Variants in UNC5D observed in about 807,000 individuals in gnomAD.
UNC5D encodes the protein unc-5 netrin receptor D.
Under a neutral mutation model 105.4 loss-of-function variants are expected in UNC5D, and 39 were observed. That is an observed-to-expected ratio of 0.37 (90% CI 0.29 to 0.48). The LOEUF (loss-of-function observed/expected upper bound fraction) is 0.48. Among genes scored for constraint, UNC5D ranks in the 20% least tolerant of loss-of-function variants. The pLI is 0.98. For missense variants in UNC5D, 991 were observed against 1,202.4 expected, an observed-to-expected ratio of 0.82 and a Z score of 2.60; for synonymous variants, 452 against 450.4, an observed-to-expected ratio of 1.00 and a Z score of -0.04.
At chr8:35,389,609 G>T (rs771741973) in intron 1 of UNC5D, among the ~76,000 whole-genome samples, 3 of 151,946 alleles carry the variant, frequency 2.0e-5, no homozygotes, top group Non-Finnish European at 4.4e-5. Context: ...TAAATAACTT[G>T]CCCTTTCATT....
At chr8:35,528,355 G>T (rs1205220128) in intron 1 of UNC5D, among the ~76,000 whole-genome samples, 1 of 151,296 alleles carries the variant, frequency 6.6e-6, no homozygotes, top group Admixed American at 6.6e-5. Flanking sequence ...TTTCATCCAT[G>T]TCCCTACAAA....
At chr8:35,740,181 G>A (rs1281303138) in intron 11 of UNC5D, among the ~76,000 whole-genome samples, 1 of 152,210 alleles carries the variant, frequency 6.6e-6, no homozygotes, top group Non-Finnish European at 1.5e-5. Flanking sequence ...CCCTAGAGAT[G>A]TCACGTCCTA....
rs141023564 is a variant in UNC5D, at chr8:35,593,779, C to CA, written c.467-1767dup. 3.4e-3 allele frequency among the ~76,000 whole-genome samples: 514 copies of CA among 151,638 alleles called. 20 individuals carry two copies. The East Asian group carries it at 0.077, about 23-fold the overall frequency. On this transcript the variant is annotated intron_variant, in intron 3 of 16. Coordinates refer to ENST00000404895, the MANE Select transcript of UNC5D (RefSeq NM_080872.4). ...TTATCTCCAAAACAAAACAAACAAA[C>CA]AAAAAAAACAGCTCCTTCATCAGCA...
intron 1 of UNC5D, among the ~76,000 whole-genome samples, chr8:35,353,847 T>C (rs1310714932): frequency 2.0e-5 from 3 of 152,158 alleles, no homozygotes; most frequent in Non-Finnish European, 4.4e-5. Context: ...AAAATGAGCA[T>C]ATAATTACAT....
intron 4 of UNC5D, among the ~76,000 whole-genome samples, chr8:35,670,690 A>G (rs1824730327): frequency 6.6e-6 from 1 of 152,062 alleles, no homozygotes; most frequent in South Asian, 2.1e-4. Flanking sequence ...GGGGATCAAC[A>G]CATACTGGGG....
chr8:35,637,345 T>A (rs1396822381), intron 4 of UNC5D, among the ~76,000 whole-genome samples: 1 of 152,198 alleles, frequency 6.6e-6, no homozygotes, highest in Non-Finnish European at 1.5e-5. Flanking sequence ...TTAGGTTTCA[T>A]GTGGAAGCTA....
At chr8:35,432,888 A>C (rs1273278073) in intron 1 of UNC5D, among the ~76,000 whole-genome samples, 1 of 152,180 alleles carries the variant, frequency 6.6e-6, no homozygotes, top group East Asian at 1.9e-4. Context: ...TTTCCTTGAA[A>C]TTCTTATAAG....
intron 1 of UNC5D, among the ~76,000 whole-genome samples, chr8:35,471,764 C>T (rs1040887031): frequency 1.3e-5 from 2 of 152,140 alleles, no homozygotes; most frequent in African/African-American, 4.8e-5. Flanking sequence ...TACACAAACG[C>T]ATACTGGTAA....
At chr8:35,703,141 G>A (rs1206042454) in intron 7 of UNC5D, among the ~76,000 whole-genome samples, 3 of 151,576 alleles carry the variant, frequency 2.0e-5, no homozygotes, top group Non-Finnish European at 4.4e-5. Context: ...TAGAATTTCT[G>A]ATTTGGAGTT....
At chr8:35,475,428 G>A (rs534145957) in intron 1 of UNC5D, among the ~76,000 whole-genome samples, 5 of 152,274 alleles carry the variant, frequency 3.3e-5, no homozygotes, top group African/African-American at 1.2e-4. Context: ...GGCTCTGTCT[G>A]GGGACTTGAA....
intron 1 of UNC5D, among the ~76,000 whole-genome samples, chr8:35,394,091 C>A (rs1803953452): frequency 6.6e-6 from 1 of 151,838 alleles, no homozygotes; most frequent in Non-Finnish European, 1.5e-5. Context: ...GTATTTCAGG[C>A]AAACCACTTA....
chr8:35,626,678 G>A (rs1434629591), intron 4 of UNC5D, among the ~76,000 whole-genome samples: 2 of 152,236 alleles, frequency 1.3e-5, no homozygotes, highest in Non-Finnish European at 2.9e-5. Flanking sequence ...CTAGAGCACA[G>A]GCTGGGAATA....
At chr8:35,252,462 C>A (rs13256407) in intron 1 of UNC5D, among the ~76,000 whole-genome samples, 123,458 of 152,032 alleles carry the variant, frequency 0.81, 50,703 homozygotes, top group East Asian at 1. Flanking sequence ...GTGTGTACTC[C>A]TAAACATAGG....
chr8:35,620,739 GC>G (rs1821313910), intron 4 of UNC5D, among the ~76,000 whole-genome samples: 1 of 152,258 alleles, frequency 6.6e-6, no homozygotes, highest in Non-Finnish European at 1.5e-5. Flanking sequence ...GCCTAATTAT[GC>G]TCTTATTATT....
At chr8:35,389,635 T>A (rs1803645998) in intron 1 of UNC5D, among the ~76,000 whole-genome samples, 1 of 151,134 alleles carries the variant, frequency 6.6e-6, no homozygotes, top group African/African-American at 2.4e-5. Context: ...CATGGTTAAA[T>A]ATATAATACC....
At chr8:35,335,660 T>C (rs1414535201) in intron 1 of UNC5D, among the ~76,000 whole-genome samples, 1 of 152,054 alleles carries the variant, frequency 6.6e-6, no homozygotes, top group Admixed American at 6.6e-5. Flanking sequence ...TAAAGATATA[T>C]TTACTTGTAA....
At chr8:35,490,545 A>T (rs1811144733) in intron 1 of UNC5D, among the ~76,000 whole-genome samples, 2 of 152,132 alleles carry the variant, frequency 1.3e-5, no homozygotes, top group South Asian at 4.1e-4. Flanking sequence ...AAAATTAAAA[A>T]AGAATTTCGG....
chr8:35,791,986 G>A lies in UNC5D; in HGVS notation c.*1423G>A, dbSNP rs1416260463. 6.6e-6 allele frequency: 1 copy of A among 152,092 alleles called. No individual in the cohort carries two copies. The highest frequency in any genetic ancestry group is 1.5e-5 in the Non-Finnish European group (1 of 68,022). 9.4% of individuals were successfully genotyped at this position (152,092 alleles called of 1,614,324 possible). On this transcript the variant is annotated 3_prime_UTR_variant, in exon 17 of 17. Coordinates refer to ENST00000404895, the MANE Select transcript of UNC5D (RefSeq NM_080872.4). ...ACTAAAGGTGAACAGATTTGCTCTT[G>A]CTCATCTTCTGGTGGATATTTTAAC...
intron 4 of UNC5D, among the ~76,000 whole-genome samples, chr8:35,596,330 T>G (rs1819489470): frequency 6.6e-6 from 1 of 152,192 alleles, no homozygotes; most frequent in African/African-American, 2.4e-5. Flanking sequence ...AGGAAAGTCT[T>G]TCTAAATCTT....
Sources: gnomAD v4.1 joint callset for allele counts (sites outside exome capture counted in the v4.1 genomes callset) on GRCh38, gnomAD v4.1.1 for gene constraint, MANE v1.5 for transcripts, NCBI Gene and HGNC (gene_info 2026-07-23, HGNC 2026-07-21) for gene names.